EXOC2: variants seen among roughly 807,000 people sequenced by gnomAD.
EXOC2 encodes the protein SEC5-like 1.
Under a neutral mutation model 131.8 loss-of-function variants are expected in EXOC2, and 70 were observed. The ratio of observed to expected loss-of-function variants is 0.53; its 90% CI spans 0.44 to 0.65. The LOEUF is 0.65. Among genes scored for constraint, EXOC2 ranks in the 30% least tolerant of loss-of-function variants. EXOC2 has a pLI of 0.00. For synonymous variants in EXOC2, 411 were observed against 398.4 expected (o/e 1.03, Z -0.38); for missense variants, 923 against 1,108.6 (o/e 0.83, Z 2.38).
chr6:659,104 G>A (rs1763297781), intron 1 of EXOC2, among the ~76,000 whole-genome samples: 1 of 152,152 alleles, frequency 6.6e-6, no homozygotes, highest in Non-Finnish European at 1.5e-5. Flanking sequence ...GAGCTCTCCT[G>A]AAATCATTTT....
At chr6:577,579 T>A (rs1425270963) in intron 11 of EXOC2, among the ~76,000 whole-genome samples, 1 of 152,196 alleles carries the variant, frequency 6.6e-6, no homozygotes, top group Non-Finnish European at 1.5e-5. Flanking sequence ...AGGAATAGAA[T>A]TCCATGTTGC....
intron 23 of EXOC2, among the ~76,000 whole-genome samples, chr6:511,337 C>G (rs2127504231): frequency 1.3e-5 from 2 of 152,142 alleles, no homozygotes; most frequent in African/African-American, 4.8e-5. Context: ...AGCCGTAAAA[C>G]CTTCCAAAAA....
chr6:630,021 T>C, intron 3 of EXOC2, 60 bp from the exon 4 acceptor site: 1 of 1,587,354 alleles, frequency 6.3e-7, no homozygotes, highest in Non-Finnish European at 8.6e-7. Flanking sequence ...ACCTTCTACG[T>C]CTGGCCTATT....
intron 13 of EXOC2, among the ~76,000 whole-genome samples, chr6:570,130 CTT>C (rs1758185950): frequency 8.7e-6 from 1 of 114,940 alleles, no homozygotes; most frequent in Non-Finnish European, 1.7e-5. Flanking sequence ...AAGACTAATT[CTT>C]TCTCTTTTTT....
intron 12 of EXOC2, among the ~76,000 whole-genome samples, chr6:573,266 G>A (rs1010248503): frequency 6.6e-6 from 1 of 152,178 alleles, no homozygotes; most frequent in Admixed American, 6.5e-5. Flanking sequence ...GGGAAATAAG[G>A]GCTTAGACTT....
rs1757350995 is a variant in EXOC2 at position 555,110 on chromosome 6, A to T, written c.2054+117T>A. 1.4e-5 allele frequency: 7 copies of T among 490,100 alleles called. No homozygotes were observed. In the South Asian group the frequency reaches 6.6e-4, roughly 46 times the overall value. The allele number at this position is 490,100 out of a possible 1,614,324, so 30.4% of individuals were successfully genotyped here. On this transcript the variant is annotated intron_variant, in intron 20 of 27. Transcript: ENST00000230449. ...TATAAAAAAAAACTATTACTTCGAT[A>T]TGAACAATCTTTCTTTCTTACTAGA...
intron 1 of EXOC2, chr6:656,597 C>T: frequency 1.9e-6 from 3 of 1,595,544 alleles, no homozygotes; most frequent in Non-Finnish European, 2.6e-6. Context: ...AGACCAGCTC[C>T]ACCGCCACCG....
chr6:677,411 A>AT (rs1764196519), intron 1 of EXOC2, among the ~76,000 whole-genome samples: 1 of 152,242 alleles, frequency 6.6e-6, no homozygotes, highest in South Asian at 2.1e-4. Context: ...TATTTAAAAT[A>AT]TTTTTCAATA....
intron 1 of EXOC2, among the ~76,000 whole-genome samples, chr6:688,728 A>C (rs1764779598): frequency 1.3e-5 from 2 of 152,028 alleles, no homozygotes; most frequent in Non-Finnish European, 1.5e-5. Context: ...TTTGCTCCTC[A>C]CCACTCCTTG....
intron 1 of EXOC2, among the ~76,000 whole-genome samples, chr6:639,278 C>A (rs1399122364): frequency 6.6e-6 from 1 of 151,732 alleles, no homozygotes; most frequent in Non-Finnish European, 1.5e-5. Flanking sequence ...CCTGCCCTTG[C>A]CACTGTGAGC....
intron 13 of EXOC2, among the ~76,000 whole-genome samples, chr6:569,767 CAT>C (rs1373599685): frequency 6.6e-6 from 1 of 152,212 alleles, no homozygotes; most frequent in African/African-American, 2.4e-5. Context: ...AGTTTATAAA[CAT>C]AGACAGGTAG....
intron 1 of EXOC2, among the ~76,000 whole-genome samples, chr6:685,114 A>C (rs1764583367): frequency 6.8e-6 from 1 of 147,430 alleles, no homozygotes; most frequent in African/African-American, 2.5e-5. Context: ...GATTTTCCCC[A>C]CAATCATTTG....
chr6:573,173 C>T (rs1411467123), intron 12 of EXOC2, among the ~76,000 whole-genome samples: 2 of 152,206 alleles, frequency 1.3e-5, no homozygotes, highest in African/African-American at 2.4e-5. Context: ...ATAACCCCAC[C>T]TAAAATAAAG....
intron 25 of EXOC2, among the ~76,000 whole-genome samples, chr6:492,576 G>A (rs770784810): frequency 3.9e-5 from 6 of 152,162 alleles, no homozygotes; most frequent in Non-Finnish European, 7.4e-5. Context: ...GTAAAAAGAA[G>A]CGAGGCACTG....
At chr6:625,536 T>C (rs1388150203) in intron 4 of EXOC2, among the ~76,000 whole-genome samples, 5 of 143,124 alleles carry the variant, frequency 3.5e-5, no homozygotes, top group African/African-American at 1.4e-4. Context: ...TTTTTTTTTT[T>C]TTTTGTCTGA....
chr6:590,046 C>T (rs983426191), intron 11 of EXOC2, among the ~76,000 whole-genome samples: 17 of 150,504 alleles, frequency 1.1e-4, no homozygotes, highest in African/African-American at 3.4e-4. Context: ...ACCTGGGAGG[C>T]GGAGCTTGCA....
intron 2 of EXOC2, 62 bp from the exon 3 acceptor site, chr6:633,179 G>A (rs1761938059): frequency 6.5e-7 from 1 of 1,534,338 alleles, no homozygotes; most frequent in Admixed American, 1.9e-5. Context: ...CCTTAATCGT[G>A]TAGATTACAT....
intron 1 of EXOC2, chr6:656,284 T>C (rs1394490072): frequency 2.5e-6 from 4 of 1,614,230 alleles, no homozygotes; most frequent in Non-Finnish European, 3.4e-6. Context: ...TCCAGGTCTC[T>C]GTTTTCAGGC....
At chr6:603,436 G>A (rs1234588206) in intron 7 of EXOC2, among the ~76,000 whole-genome samples, 1 of 152,172 alleles carries the variant, frequency 6.6e-6, no homozygotes, top group Non-Finnish European at 1.5e-5. Flanking sequence ...GACACTCTGT[G>A]TGGAGTAGAT....
Sources: allele counts gnomAD v4.1 joint callset (sites outside exome capture counted in the v4.1 genomes callset), GRCh38; gene constraint gnomAD v4.1.1; transcripts MANE v1.5; gene names NCBI Gene and HGNC (gene_info 2026-07-23, HGNC 2026-07-21).